The following PROS1 variants were observed in gnomAD, a reference collection of about 807,000 sequenced individuals.
The protein encoded by PROS1 is protein S.
In PROS1, 29 loss-of-function variants were observed where a neutral mutation model predicts 75.9. The ratio of observed to expected loss-of-function variants is 0.38; its 90% CI spans 0.28 to 0.52. The LOEUF (loss-of-function observed/expected upper bound fraction) is 0.52, where lower values mean the gene tolerates loss of function less well. PROS1 is among the 20% of genes least tolerant of loss of function. The probability of loss-of-function intolerance (pLI) is 0.83; values close to 1 mark genes in which losing one functional copy is unlikely to be tolerated. For synonymous variants in PROS1, 245 were observed against 280.6 expected, an observed-to-expected ratio of 0.87 and a Z score of 1.27; for missense variants, 680 against 810.3, an observed-to-expected ratio of 0.84 and a Z score of 1.95.
At chr3:93,972,992 C>T (rs980930916) in intron 1 of PROS1, among the ~76,000 whole-genome samples, 3 of 152,048 alleles carry the variant, frequency 2.0e-5, no homozygotes, top group Non-Finnish European at 4.4e-5. Flanking sequence ...GTCTTGAATC[C>T]GGGCATAAGG....
At chr3:93,972,655 A>G (rs1312418082) in intron 1 of PROS1, among the ~76,000 whole-genome samples, 1 of 151,068 alleles carries the variant, frequency 6.6e-6, no homozygotes, top group Non-Finnish European at 1.5e-5. Flanking sequence ...CCTGGCCAAC[A>G]TGGTGAAACC....
intron 1 of PROS1, among the ~76,000 whole-genome samples, chr3:93,951,451 A>C (rs1374695286): frequency 2.6e-5 from 4 of 152,236 alleles, no homozygotes; most frequent in Admixed American, 6.5e-5. Flanking sequence ...CAACATTCTT[A>C]AAGAAAAGAA....
chr3:93,910,785 A>C, intron 3 of PROS1, 80 bp from the exon 4 acceptor site: 2 of 1,163,528 alleles, frequency 1.7e-6, no homozygotes, highest in Non-Finnish European at 2.5e-6. Flanking sequence ...CTGTCCCAAG[A>C]GGTAGGACAT....
intron 3 of PROS1, among the ~76,000 whole-genome samples, chr3:93,916,920 T>C (rs1708860242): frequency 6.6e-6 from 1 of 152,210 alleles, no homozygotes; most frequent in Admixed American, 6.5e-5. Context: ...TTCTAAAAAA[T>C]AGTTCAAACA....
intron 9 of PROS1, 35 bp from the exon 10 acceptor site, chr3:93,893,157 A>T: frequency 6.5e-7 from 1 of 1,549,660 alleles, no homozygotes; most frequent in Non-Finnish European, 8.8e-7. Flanking sequence ...CTTAAGAGTA[A>T]GAAATACAGA....
chr3:93,900,335 A>C lies in PROS1; in HGVS notation c.727+469T>G, dbSNP rs1173108551. ...AGATAATAGAACTGTGTCATTTTTT[A>C]TTTTAGAATAAATGATTTATTTATA... On this transcript the variant is annotated intron_variant, in intron 7 of 14. Coordinates refer to ENST00000394236, the MANE Select transcript of PROS1 (RefSeq NM_000313.4). Among the ~76,000 whole-genome samples the C allele has an allele frequency of 7.9e-5, 12 of 152,256 alleles. No individual in the cohort carries two copies. The East Asian group carries it at 2.1e-3, about 27-fold the overall frequency.
intron 6 of PROS1, among the ~76,000 whole-genome samples, chr3:93,904,908 A>T (rs1708650612): frequency 6.6e-6 from 1 of 152,224 alleles, no homozygotes; most frequent in Non-Finnish European, 1.5e-5. Context: ...AACAGGGAAT[A>T]TTTAAGTCTG....
Position 93,879,146 on chromosome 3 carries a change from G to C in PROS1, c.1644+17C>G, listed in dbSNP as rs1164397634. On this transcript the variant is annotated intron_variant, in intron 13 of 14. Coordinates refer to ENST00000394236, the MANE Select transcript of PROS1 (RefSeq NM_000313.4). ...GAAAAGAAAAACAAGGCTTATATAGGTTTAGAGTTAAGTTACCTGTGATTT... is the reference window on the plus strand; with the variant it reads ...GAAAAGAAAAACAAGGCTTATATAGCTTTAGAGTTAAGTTACCTGTGATTT... 25 of 1,610,742 alleles carry C rather than the reference G, an allele frequency of 1.6e-5. No homozygotes were observed. Among genetic ancestry groups the C allele is most frequent in the Non-Finnish European group, 2.1e-5 (25 of 1,177,448 alleles).
intron 1 of PROS1, among the ~76,000 whole-genome samples, chr3:93,936,013 A>G (rs1304550202): frequency 8.8e-5 from 13 of 148,536 alleles, no homozygotes; most frequent in Non-Finnish European, 1.8e-4. Flanking sequence ...TTTTTTTTTC[A>G]TAGTAAGTAA....
At chr3:93,925,876 G>T (rs1709009646) in intron 2 of PROS1, among the ~76,000 whole-genome samples, 1 of 144,334 alleles carries the variant, frequency 6.9e-6, no homozygotes, top group South Asian at 2.2e-4. Flanking sequence ...TTTCTGTCTT[G>T]CTCTTTCTGT....
chr3:93,900,924 C>G lies in PROS1; in HGVS notation c.607G>C (p.Asp203His). The G allele has an allele frequency of 6.2e-7, 1 of 1,613,760 alleles. No homozygotes were observed. Among genetic ancestry groups the G allele is most frequent in the Non-Finnish European group, 8.5e-7 (1 of 1,179,888 alleles). Residue 203 changes from aspartate to histidine, a missense_variant, in exon 7 of 15, where the codon GAT (aspartate) becomes CAT (histidine). Asp to His is a moderately conservative substitution (Grantham distance 81). Transcript: ENST00000394236. The stretch of plus-strand genomic sequence containing the variant: ...ATGCTTGGCTTCAAAGAGCATTCAT[C>G]CACATCTATAAATAAAATCACTATA... ...LSNKKDCKDV[D>H]ECSLKPSICG...
At chr3:93,967,257 A>G (rs1044555704) in intron 1 of PROS1, among the ~76,000 whole-genome samples, 8 of 152,232 alleles carry the variant, frequency 5.3e-5, no homozygotes, top group African/African-American at 1.9e-4. Flanking sequence ...TTGTTGATTA[A>G]GAAGGGCTCT....
intron 1 of PROS1, among the ~76,000 whole-genome samples, chr3:93,950,886 C>T (rs1709484608): frequency 1.3e-5 from 2 of 152,086 alleles, no homozygotes. Flanking sequence ...CAACAAACTT[C>T]TCCAAGTTAA....
intron 1 of PROS1, among the ~76,000 whole-genome samples, chr3:93,965,133 A>T (rs1709767894): frequency 6.6e-6 from 1 of 152,170 alleles, no homozygotes; most frequent in Non-Finnish European, 1.5e-5. Flanking sequence ...CAGGCATTCG[A>T]GCCGGCAATG....
chr3:93,898,239 C>T (rs1708532109), intron 8 of PROS1, among the ~76,000 whole-genome samples: 1 of 151,826 alleles, frequency 6.6e-6, no homozygotes, highest in Non-Finnish European at 1.5e-5. Context: ...ACTCTACCCT[C>T]TTTTTTTTAA....
intron 1 of PROS1, among the ~76,000 whole-genome samples, chr3:93,970,671 C>T (rs965573460): frequency 2.0e-5 from 3 of 150,254 alleles, no homozygotes; most frequent in African/African-American, 7.3e-5. Flanking sequence ...TATAGAGATT[C>T]TCATCTCTCT....
At chr3:93,911,354 T>C (rs1173839637) in intron 3 of PROS1, among the ~76,000 whole-genome samples, 1 of 152,208 alleles carries the variant, frequency 6.6e-6, no homozygotes, top group Non-Finnish European at 1.5e-5. Context: ...TAGGAGTTAC[T>C]TAGTGCCAAA....
At chr3:93,932,292 G>C (rs1239905993) in intron 1 of PROS1, among the ~76,000 whole-genome samples, 1 of 152,164 alleles carries the variant, frequency 6.6e-6, no homozygotes, top group Non-Finnish European at 1.5e-5. Context: ...ATTTAAAGTT[G>C]AGTTAATTTT....
At chr3:93,966,443 T>A (rs1338412454) in intron 1 of PROS1, among the ~76,000 whole-genome samples, 1 of 152,188 alleles carries the variant, frequency 6.6e-6, no homozygotes, top group Non-Finnish European at 1.5e-5. Context: ...TTAATGACCA[T>A]CAGTTATGTT....
Sources: allele counts gnomAD v4.1 joint callset (sites outside exome capture counted in the v4.1 genomes callset), GRCh38; gene constraint gnomAD v4.1.1; transcripts MANE v1.5; gene names NCBI Gene and HGNC (gene_info 2026-07-23, HGNC 2026-07-21).